The following C2orf80 variants were observed in gnomAD, a reference collection of about 807,000 sequenced individuals.
The protein encoded by C2orf80 is uncharacterized protein C2orf80.
A neutral mutation model predicts 30.2 loss-of-function variants in C2orf80; 28 were observed. That is an observed-to-expected ratio of 0.93 (90% CI 0.69 to 1.27). The LOEUF is 1.27. C2orf80 is among the 50% of genes most tolerant of loss of function. The pLI, the probability that C2orf80 is intolerant of heterozygous loss-of-function variation, is 0.00. For missense variants in C2orf80, 220 were observed against 231.0 expected (o/e 0.95, Z 0.31); for synonymous variants, 80 against 76.4 (o/e 1.05, Z -0.24).
chr2:208,175,216 G>C lies in C2orf80; in HGVS notation c.367-3141C>G, dbSNP rs1042043729. Among the ~76,000 whole-genome samples the C allele has an allele frequency of 5.6e-4, 25 of 45,036 alleles. No individual in the cohort carries two copies. In the South Asian group the frequency reaches 8.8e-3, roughly 16 times the overall value. The allele number at this position is 45,036 out of a possible 152,430, so 29.5% of individuals were successfully genotyped here. On this transcript the variant is annotated intron_variant, in intron 6 of 8. Transcript: ENST00000341287. ...CGAGAGAATCACTTGAACCCCGGGG[G>C]GGGGGGGGGCGGAGGTTGCAGTGAG...
chr2:208,184,232 C>T (rs988534807), intron 3 of C2orf80, among the ~76,000 whole-genome samples: 4 of 148,536 alleles, frequency 2.7e-5, no homozygotes, highest in Non-Finnish European at 6.0e-5. Flanking sequence ...CCTTGTAATA[C>T]GACCTCATTA....
At chr2:208,188,137 C>T (rs578154849) in intron 1 of C2orf80, among the ~76,000 whole-genome samples, 1 of 151,490 alleles carries the variant, frequency 6.6e-6, no homozygotes, top group South Asian at 2.1e-4. Flanking sequence ...TATCCACACA[C>T]ATCCTGTCAG....
intron 3 of C2orf80, among the ~76,000 whole-genome samples, chr2:208,184,032 C>T (rs1308867115): frequency 2.0e-5 from 3 of 152,200 alleles, no homozygotes; most frequent in Non-Finnish European, 4.4e-5. Context: ...CTTCCAGGGA[C>T]TGAACCAAAC....
chr2:208,171,854 C>G, intron 7 of C2orf80, 134 bp downstream of exon 7: 1 of 809,648 alleles, frequency 1.2e-6, no homozygotes. Flanking sequence ...CCTAAGAGCC[C>G]CTGGTTCTTT....
chr2:208,186,675 C>G (rs753885668), intron 2 of C2orf80, among the ~76,000 whole-genome samples: 5 of 152,184 alleles, frequency 3.3e-5, no homozygotes, highest in Non-Finnish European at 7.4e-5. Flanking sequence ...GGGACATAGG[C>G]TCAGCTCTCA....
chr2:208,165,873 A>G (rs185882181), intron 8 of C2orf80, 58 bp from the exon 9 acceptor site: 2 of 1,209,100 alleles, frequency 1.7e-6, no homozygotes, highest in East Asian at 4.7e-5. Flanking sequence ...GGACACAGAC[A>G]TTACTTTAAG....
intron 1 of C2orf80, among the ~76,000 whole-genome samples, chr2:208,187,611 T>C (rs930750984): frequency 1.3e-5 from 2 of 152,146 alleles, no homozygotes; most frequent in African/African-American, 4.8e-5. Flanking sequence ...AAAAGGAGTC[T>C]GAAGTCACCA....
At chr2:208,188,473 G>T (rs1335044359) in intron 1 of C2orf80, among the ~76,000 whole-genome samples, 1 of 149,766 alleles carries the variant, frequency 6.7e-6, no homozygotes, top group Non-Finnish European at 1.5e-5. Context: ...TTGAGACGGA[G>T]TCTCGGTCTG....
chr2:208,176,579 T>C (rs999858710), intron 6 of C2orf80, among the ~76,000 whole-genome samples: 1 of 152,274 alleles, frequency 6.6e-6, no homozygotes, highest in East Asian at 1.9e-4. Context: ...CAGAACTCCA[T>C]TCCCTGAGTA....
chr2:208,177,453 A>G (rs981132992), intron 6 of C2orf80, among the ~76,000 whole-genome samples: 32 of 152,078 alleles, frequency 2.1e-4, no homozygotes, highest in Non-Finnish European at 3.8e-4. Flanking sequence ...AGGCAGGAGA[A>G]TCACTTGAAC....
In C2orf80 at chr2:208,178,693, C is replaced by T. The variant is rs544784093; in HGVS notation, c.366+2052G>A. 8.5e-5 allele frequency among the ~76,000 whole-genome samples: 13 copies of T among 152,074 alleles called. No individual in the cohort carries two copies. The South Asian group carries it at 1.3e-3, about 15-fold the overall frequency. On this transcript the variant is annotated intron_variant, in intron 6 of 8. Transcript: ENST00000341287. ...TTAGGGGAGGCCAAGGTGGGAGGATCGCTTGAGCCCAGGAGTTCAAGACCA... is the reference window on the plus strand; with the variant it reads ...TTAGGGGAGGCCAAGGTGGGAGGATTGCTTGAGCCCAGGAGTTCAAGACCA...
intron 8 of C2orf80, among the ~76,000 whole-genome samples, chr2:208,170,468 T>A (rs1376453725): frequency 6.6e-6 from 1 of 152,112 alleles, no homozygotes; most frequent in Non-Finnish European, 1.5e-5. Flanking sequence ...GGGGAGACTT[T>A]AAGCAGGAAA....
rs754621820 is a variant in C2orf80, at chr2:208,170,933, T to G, written c.573+12A>C. On this transcript the variant is annotated intron_variant, in intron 8 of 8. Transcript: ENST00000341287. ...GGTATCAGTTTGGTCCAATTTACAA[T>G]CTCACACCTACTTTGTGCTTTGGCT... 4 of 1,606,752 alleles carry G rather than the reference T, an allele frequency of 2.5e-6. No homozygotes were observed. The South Asian group carries it at 4.4e-5, about 18-fold the overall frequency.
At chr2:208,167,471 G>C (rs1695933843) in intron 8 of C2orf80, among the ~76,000 whole-genome samples, 1 of 151,836 alleles carries the variant, frequency 6.6e-6, no homozygotes, top group Non-Finnish European at 1.5e-5. Context: ...GCAGTGAGCC[G>C]AGATAACACC....
intron 5 of C2orf80, 35 bp downstream of exon 5, chr2:208,181,183 A>C: frequency 7.7e-7 from 1 of 1,306,444 alleles, no homozygotes; most frequent in Non-Finnish European, 1.1e-6. Context: ...TAGATATGAA[A>C]TATTCATATA....
intron 1 of C2orf80, among the ~76,000 whole-genome samples, chr2:208,189,275 T>C (rs1696808534): frequency 6.6e-6 from 1 of 152,190 alleles, no homozygotes; most frequent in Admixed American, 6.5e-5. Context: ...GTTATAATAT[T>C]TGCATTGCTT....
chr2:208,183,196 C>G, intron 3 of C2orf80, 149 bp from the exon 4 acceptor site: 1 of 487,338 alleles, frequency 2.1e-6, no homozygotes, highest in Non-Finnish European at 3.5e-6. Flanking sequence ...ACCTGATGCT[C>G]GGCCAGATTT....
In C2orf80 at chr2:208,188,083, A is replaced by C. The variant is rs180909374; in HGVS notation, c.-75-1022T>G. Among the ~76,000 whole-genome samples, 45 of 105,902 alleles carry C rather than the reference A, an allele frequency of 4.2e-4. No homozygotes were observed. The East Asian group carries it at 0.011, about 27-fold the overall frequency. The allele number at this position is 105,902 out of a possible 152,430, so 69.5% of individuals were successfully genotyped here. A position where few individuals can be genotyped will look rare whatever the true frequency, so the allele number is the denominator to read the frequency against. Reference sequence around the variant, plus strand: ...AAAGAGATGGTTAAGCCTATACTGCACCGTGTGTGTGTGTGTGTGTGTGTG... The same window carrying C: ...AAAGAGATGGTTAAGCCTATACTGCCCCGTGTGTGTGTGTGTGTGTGTGTG... On this transcript the variant is annotated intron_variant, in intron 1 of 8. Coordinates refer to ENST00000341287, the MANE Select transcript of C2orf80 (RefSeq NM_001099334.3).
At chr2:208,169,838 C>G (rs987726774) in intron 8 of C2orf80, among the ~76,000 whole-genome samples, 1 of 152,064 alleles carries the variant, frequency 6.6e-6, no homozygotes, top group African/African-American at 2.4e-5. Flanking sequence ...TGCAGTTGTT[C>G]TGTTATCAGA....
Sources: allele counts gnomAD v4.1 joint callset (sites outside exome capture counted in the v4.1 genomes callset), GRCh38; gene constraint gnomAD v4.1.1; transcripts MANE v1.5; gene names NCBI Gene and HGNC (gene_info 2026-07-23, HGNC 2026-07-21).